Variants in PTPRD observed in about 807,000 individuals in gnomAD.
The protein encoded by PTPRD is protein tyrosine phosphatase receptor type D.
Under a neutral mutation model 214.5 loss-of-function variants are expected in PTPRD, and 34 were observed. The observed-to-expected ratio is 0.16, with a 90% CI of 0.12 to 0.21. The LOEUF (loss-of-function observed/expected upper bound fraction) is 0.21. Ranked by LOEUF, PTPRD falls within the 10% of genes least tolerant of loss-of-function variation. PTPRD has a pLI of 1.00. For missense variants in PTPRD, 2,545 were observed against 2,398.7 expected (o/e 1.06, Z -1.27); for synonymous variants, 1,128 against 845.7 (o/e 1.33, Z -5.79).
chr9:9,021,547 C>T (rs1554634235), intron 10 of PTPRD, among the ~76,000 whole-genome samples: 6 of 151,970 alleles, frequency 3.9e-5, no homozygotes, highest in Non-Finnish European at 1.5e-5. Flanking sequence ...ACTCTTTCTA[C>T]TTAAAAAAAA....
chr9:9,031,454 G>A (rs543767745), intron 10 of PTPRD, among the ~76,000 whole-genome samples: 9 of 152,092 alleles, frequency 5.9e-5, no homozygotes, highest in South Asian at 2.1e-4. Flanking sequence ...TGTACAGCAC[G>A]TTACTGTATT....
intron 3 of PTPRD, among the ~76,000 whole-genome samples, chr9:10,180,875 T>C (rs533001941): frequency 2.6e-5 from 4 of 151,970 alleles, no homozygotes; most frequent in African/African-American, 7.2e-5. Context: ...ATATTAATGA[T>C]GGAAAAGAAA....
intron 44 of PTPRD, among the ~76,000 whole-genome samples, chr9:8,328,333 T>C (rs1836128659): frequency 6.6e-6 from 1 of 152,070 alleles, no homozygotes; most frequent in South Asian, 2.1e-4. Flanking sequence ...TTTAGGAATG[T>C]TGAATATTGG....
At chr9:8,938,742 A>C (rs1172935671) in intron 11 of PTPRD, among the ~76,000 whole-genome samples, 1 of 152,116 alleles carries the variant, frequency 6.6e-6, no homozygotes, top group Non-Finnish European at 1.5e-5. Flanking sequence ...CATTACTCTG[A>C]AGATTCTAAC....
At chr9:9,213,661 AG>A (rs1159465904) in intron 9 of PTPRD, among the ~76,000 whole-genome samples, 1 of 152,210 alleles carries the variant, frequency 6.6e-6, no homozygotes, top group Non-Finnish European at 1.5e-5. Flanking sequence ...ATTATGCAAA[AG>A]GCACAGTTAG....
At chr9:10,009,947 T>A (rs573421846) in intron 4 of PTPRD, among the ~76,000 whole-genome samples, 148 of 151,982 alleles carry the variant, frequency 9.7e-4, no homozygotes, top group Non-Finnish European at 1.5e-3. Flanking sequence ...GAGGAGAGTA[T>A]AATGAAGCAT....
chr9:8,606,431 G>C (rs944791867), intron 14 of PTPRD, among the ~76,000 whole-genome samples: 3 of 152,152 alleles, frequency 2.0e-5, no homozygotes, highest in Non-Finnish European at 2.9e-5. Flanking sequence ...AACAAATGAA[G>C]AGACATGAAG....
chr9:8,671,576 T>C (rs1375438859), intron 12 of PTPRD, among the ~76,000 whole-genome samples: 3 of 152,164 alleles, frequency 2.0e-5, no homozygotes, highest in African/African-American at 7.2e-5. Context: ...TTTTTAAAAA[T>C]GTACCTAGCC....
intron 9 of PTPRD, among the ~76,000 whole-genome samples, chr9:9,295,195 ATAAAG>A (rs1010399490): frequency 7.9e-5 from 12 of 151,870 alleles, no homozygotes; most frequent in African/African-American, 2.2e-4. Flanking sequence ...ATTTAAACAA[ATAAAG>A]TAAAAGTTAC....
chr9:10,378,681 G>A (rs142196166), intron 2 of PTPRD, among the ~76,000 whole-genome samples: 518 of 152,038 alleles, frequency 3.4e-3, no homozygotes, highest in African/African-American at 0.011. Context: ...CTATGTGTCT[G>A]TTTTTATTCC....
chr9:10,164,217 A>G (rs541337743), intron 3 of PTPRD, among the ~76,000 whole-genome samples: 2 of 151,708 alleles, frequency 1.3e-5, no homozygotes, highest in African/African-American at 4.8e-5. Context: ...TCAGGTTTTC[A>G]TTTCCACAAA....
chr9:9,171,439 G>T (rs569277438), intron 10 of PTPRD, among the ~76,000 whole-genome samples: 6 of 151,332 alleles, frequency 4.0e-5, no homozygotes, highest in Non-Finnish European at 7.4e-5. Flanking sequence ...AATAGGAAAA[G>T]GAGCTTTTCT....
chr9:9,586,199 C>T (rs1012221974), intron 7 of PTPRD, among the ~76,000 whole-genome samples: 14 of 151,864 alleles, frequency 9.2e-5, no homozygotes, highest in Admixed American at 2.6e-4. Context: ...TTTCTTTTTC[C>T]CCTTCCAATT....
chr9:8,791,550 CAG>C (rs2096238365), intron 11 of PTPRD, among the ~76,000 whole-genome samples: 1 of 113,672 alleles, frequency 8.8e-6, no homozygotes, highest in Non-Finnish European at 1.7e-5. Flanking sequence ...TTTTTTGAGA[CAG>C]AGTCCTGCTC....
At chr9:8,403,677 C>T (rs1422349967) in intron 36 of PTPRD, among the ~76,000 whole-genome samples, 1 of 152,164 alleles carries the variant, frequency 6.6e-6, no homozygotes, top group African/African-American at 2.4e-5. Flanking sequence ...AACAATCATG[C>T]CCTCTGGAAC....
intron 8 of PTPRD, among the ~76,000 whole-genome samples, chr9:9,561,069 G>A (rs745377330): frequency 9.2e-5 from 14 of 152,170 alleles, no homozygotes; most frequent in Non-Finnish European, 1.9e-4. Context: ...AGCCTGTACA[G>A]CATTAGCAGG....
At chr9:8,357,768 A>C (rs552619115) in intron 39 of PTPRD, among the ~76,000 whole-genome samples, 6 of 152,314 alleles carry the variant, frequency 3.9e-5, no homozygotes, top group South Asian at 2.1e-4. Flanking sequence ...TATTACCCTG[A>C]TAATTCTCAG....
intron 3 of PTPRD, among the ~76,000 whole-genome samples, chr9:10,284,256 A>G (rs1195495177): frequency 1.3e-5 from 2 of 152,116 alleles, no homozygotes; most frequent in Non-Finnish European, 2.9e-5. Context: ...AAAAATAAAA[A>G]TCTCTGATGC....
intron 11 of PTPRD, among the ~76,000 whole-genome samples, chr9:8,865,151 C>CTTTCT (rs990059388): frequency 1.9e-4 from 19 of 99,638 alleles, no homozygotes; most frequent in Admixed American, 8.4e-4. Context: ...ATCTATCATT[C>CTTTCT]TTTCTTTAAT....
Sources: gnomAD v4.1 joint callset for allele counts (sites outside exome capture counted in the v4.1 genomes callset) on GRCh38, gnomAD v4.1.1 for gene constraint, MANE v1.5 for transcripts, NCBI Gene and HGNC (gene_info 2026-07-23, HGNC 2026-07-21) for gene names.